Variants in BPIFA2 observed in about 807,000 individuals in gnomAD.
BPIFA2 encodes the protein BPI fold-containing family A member 2.
Under a neutral mutation model 25.7 loss-of-function variants are expected in BPIFA2, and 20 were observed. The ratio of observed to expected loss-of-function variants is 0.78; its 90% CI spans 0.55 to 1.13. The LOEUF (loss-of-function observed/expected upper bound fraction) is 1.13, where lower values mean the gene tolerates loss of function less well. BPIFA2 is among the 50% of genes most tolerant of loss of function. The pLI is 0.00. For synonymous variants in BPIFA2, 126 were observed against 124.3 expected, an observed-to-expected ratio of 1.01 and a Z score of -0.09; for missense variants, 300 against 298.1, an observed-to-expected ratio of 1.01 and a Z score of -0.05.
chr20:33,177,670 C>A (rs1361022616), intron 5 of BPIFA2, among the ~76,000 whole-genome samples: 2 of 152,186 alleles, frequency 1.3e-5, no homozygotes, highest in Non-Finnish European at 2.9e-5. Flanking sequence ...TAGCAAAGCT[C>A]TCTCTTAGGT....
rs1424240858 is a variant in BPIFA2, at chr20:33,173,050, G to C, written c.276G>C (p.Leu92=). The C allele has an allele frequency of 1.2e-6, 2 of 1,613,810 alleles. No homozygotes were observed. The highest frequency in any genetic ancestry group is 4.5e-5 in the East Asian group (2 of 44,866). Residue 92 remains leucine (L), a synonymous_variant, in exon 3 of 9, where the codon CTG becomes CTC. Transcript: ENST00000354932. Reference sequence around the variant, plus strand: ...TGCTGAACAATGTCATTTCTAAGCTGCTTCCAACTAACACGGACATTTTTG... The same window carrying C: ...TGCTGAACAATGTCATTTCTAAGCTCCTTCCAACTAACACGGACATTTTTG... The part of the protein sequence containing the change: ...EKLLNNVISK[L]LPTNTDIFGL...
chr20:33,176,262 T>C (rs1325784292), intron 5 of BPIFA2, among the ~76,000 whole-genome samples: 2 of 152,214 alleles, frequency 1.3e-5, no homozygotes, highest in African/African-American at 4.8e-5. Context: ...CCACAAAATC[T>C]ACATCTTAAG....
At chr20:33,164,649 C>T (rs1436753074), upstream of BPIFA2, among the ~76,000 whole-genome samples, 3 of 151,614 alleles carry the variant, frequency 2.0e-5, no homozygotes, top group African/African-American at 7.3e-5. Flanking sequence ...CTTTCCCTCC[C>T]TCTCTCTTTC....
chr20:33,175,672 T>C (rs1486142349), intron 5 of BPIFA2, 113 bp downstream of exon 5: 47 of 1,184,656 alleles, frequency 4.0e-5, no homozygotes, highest in Non-Finnish European at 3.5e-6. Flanking sequence ...GTTCAGGCTC[T>C]GGAGTCATGT....
At chr20:33,167,437 G>A (rs990281209), upstream of BPIFA2, among the ~76,000 whole-genome samples, 10 of 152,290 alleles carry the variant, frequency 6.6e-5, no homozygotes, top group African/African-American at 1.9e-4. Context: ...GGGTGGAAGG[G>A]TCTTCCCTGG....
At chr20:33,179,089 C>T (rs1298743821) in intron 6 of BPIFA2, among the ~76,000 whole-genome samples, 1 of 151,892 alleles carries the variant, frequency 6.6e-6, no homozygotes, top group African/African-American at 2.4e-5. Flanking sequence ...ATTCTAACAC[C>T]CTAGGGTTTC....
chr20:33,168,720 C>T (rs1473977891), intron 1 of BPIFA2, among the ~76,000 whole-genome samples: 7 of 152,124 alleles, frequency 4.6e-5, no homozygotes, highest in Non-Finnish European at 1.0e-4. Flanking sequence ...TTATCCAAGA[C>T]CTTGATCAGG....
chr20:33,166,627 A>C (rs6059136), upstream of BPIFA2, among the ~76,000 whole-genome samples: 4,428 of 152,212 alleles, frequency 0.029, 190 homozygotes, highest in African/African-American at 0.098. Context: ...CAGCAGAGAG[A>C]GAGTATTCAT....
Position 33,171,456 on chromosome 20 carries a change from C to G in BPIFA2, c.158-1476C>G, listed in dbSNP as rs1345084196. Among the ~76,000 whole-genome samples the G allele has an allele frequency of 2.6e-5, 4 of 152,234 alleles. No individual in the cohort carries two copies. In the South Asian group the frequency reaches 8.3e-4, roughly 32 times the overall value. On this transcript the variant is annotated intron_variant, in intron 2 of 8. Transcript: ENST00000354932. ...GGCATTAGAGTGAACAGGCAACCTA[C>G]AGAAGGGGAGATCATTTTTGCAATC...
chr20:33,165,405 G>A (rs1040799507), upstream of BPIFA2, among the ~76,000 whole-genome samples: 1 of 152,214 alleles, frequency 6.6e-6, no homozygotes, highest in African/African-American at 2.4e-5. Context: ...CTGTGTGTTT[G>A]TTATCTGGAG....
chr20:33,172,945 A>G lies in BPIFA2; in HGVS notation c.171A>G (p.Lys57=). The stretch of plus-strand genomic sequence containing the variant: ...TGTTTTTGGCAGGCATCCTTGAGAA[A>G]CTGAAGGTCGACCTAGGAGTGCTTC... ...VDNTLKGILE[K]LKVDLGVLQK... The change falls in exon 3 of 9, where the codon AAA becomes AAG. Residue 57 remains lysine (K), a synonymous_variant. Transcript: ENST00000354932. 6.2e-7 allele frequency: 1 copy of G among 1,612,860 alleles called. No homozygotes were observed. Among genetic ancestry groups the G allele is most frequent in the Non-Finnish European group, 8.5e-7 (1 of 1,179,554 alleles).
At chr20:33,177,721 A>G (rs925457144) in intron 5 of BPIFA2, among the ~76,000 whole-genome samples, 3 of 152,170 alleles carry the variant, frequency 2.0e-5, no homozygotes, top group Non-Finnish European at 4.4e-5. Context: ...TGGCAATTAT[A>G]CTAAGAGTTG....
intron 1 of BPIFA2, chr20:33,161,986 T>A (rs919431042): frequency 6.6e-6 from 1 of 151,898 alleles, no homozygotes; most frequent in African/African-American, 2.4e-5. Context: ...GGTTTTGATT[T>A]TTTTGTTTTT....
rs8117112 is a variant in BPIFA2, at chr20:33,177,842, C to T, written c.564-305C>T. ...AGGGGATGTTTGTACTTTACTTATT[C>T]GGTATCCTCAGGGCCCAGCTAGGTT... On this transcript the variant is annotated intron_variant, in intron 5 of 8. Coordinates refer to ENST00000354932, the MANE Select transcript of BPIFA2 (RefSeq NM_080574.4). Among the ~76,000 whole-genome samples the T allele has an allele frequency of 6.7e-3, 1,013 of 152,272 alleles. 8 individuals are homozygous for T. Among genetic ancestry groups the T allele is most frequent in the African/African-American group, 0.023 (956 of 41,554 alleles).
chr20:33,166,595 C>T (rs983660940), upstream of BPIFA2, among the ~76,000 whole-genome samples: 3 of 152,136 alleles, frequency 2.0e-5, no homozygotes, highest in African/African-American at 7.2e-5. Flanking sequence ...CGGTCTCTGG[C>T]CCAGGTCACA....
rs769007336 is a variant in BPIFA2 at position 33,174,199 on chromosome 20, T to G, written c.410+13T>G. The G allele has an allele frequency of 6.8e-6, 11 of 1,612,342 alleles. No individual in the cohort carries two copies. The East Asian group carries it at 2.2e-4, about 33-fold the overall frequency. ...TCACTGTGGCCGGGTGAGTATGCAC[T>G]AGAATCTGAGATTTGGGAAAGGCAG... On this transcript the variant is annotated intron_variant, in intron 4 of 8. Coordinates refer to ENST00000354932, the MANE Select transcript of BPIFA2 (RefSeq NM_080574.4).
chr20:33,168,987 C>G, intron 1 of BPIFA2, 144 bp from the exon 2 acceptor site: 1 of 749,536 alleles, frequency 1.3e-6, no homozygotes, highest in Non-Finnish European at 2.1e-6. Flanking sequence ...CTGTAGCTTT[C>G]TGACCTTGGC....
intron 7 of BPIFA2, 60 bp downstream of exon 7, chr20:33,179,727 A>C: frequency 6.7e-7 from 1 of 1,491,876 alleles, no homozygotes; most frequent in Non-Finnish European, 9.3e-7. Context: ...TGCCCACCCC[A>C]TAAGCAGTTC....
intron 1 of BPIFA2, among the ~76,000 whole-genome samples, chr20:33,168,572 G>C (rs1327185127): frequency 1.3e-5 from 2 of 152,326 alleles, no homozygotes; most frequent in African/African-American, 4.8e-5. Context: ...ATTCAACAAA[G>C]ATTTATTCGT....
Sources: gnomAD v4.1 joint callset for allele counts (sites outside exome capture counted in the v4.1 genomes callset) on GRCh38, gnomAD v4.1.1 for gene constraint, MANE v1.5 for transcripts, NCBI Gene and HGNC (gene_info 2026-07-23, HGNC 2026-07-21) for gene names.